The following KLF18 variants were observed in gnomAD, a reference collection of about 807,000 sequenced individuals.
The protein encoded by KLF18 is KLF transcription factor 18.
Position 44,138,701 on chromosome 1 carries a change from C to CTTTGAATAAGACATCTTGCAG in KLF18, c.2910_2930dup (p.Ser976_Lys977insAsnCysLysMetSerTyrSer), listed in dbSNP as rs1643191321. The CTTTGAATAAGACATCTTGCAG allele has an allele frequency of 1.3e-5, 5 of 398,528 alleles. No homozygotes were observed. Among genetic ancestry groups the CTTTGAATAAGACATCTTGCAG allele is most frequent in the Non-Finnish European group, 2.2e-5 (5 of 226,078 alleles). 24.7% of individuals were successfully genotyped at this position (398,528 alleles called of 1,614,324 possible). ...GCATGTGGGTTCGGAGGTGGCAAGC[C>CTTTGAATAAGACATCTTGCAG]TTTGAATAAGACATCTTGCAGTCCT... On this transcript the variant is annotated inframe_insertion, in exon 1 of 2. Coordinates refer to ENST00000634670, the MANE Select transcript of KLF18 (RefSeq NM_001358438.1).
rs1309788081 is a variant in KLF18 at position 44,141,601 on chromosome 1, C to T, written c.31G>A (p.Glu11Lys). 12 of 398,444 alleles carry T rather than the reference C, an allele frequency of 3.0e-5. No individual in the cohort carries two copies. The allele number at this position is 398,444 out of a possible 1,614,324, so 24.7% of individuals were successfully genotyped here. MDSSLLQAIE[E>K]IEKFFQHLSE... ...AGATGCTGGAAAAATTTCTCAATTT[C>T]CTCAATTGCCTGGAGAAGACTGGAA... The change falls in exon 1 of 2, where the codon GAA becomes AAA. Residue 11 changes from glutamate (E) to lysine (K), a missense_variant. Glu to Lys is a moderately conservative substitution (Grantham distance 56). Coordinates refer to ENST00000634670, the MANE Select transcript of KLF18 (RefSeq NM_001358438.1).
chr1:44,140,026 T>G lies in KLF18; in HGVS notation c.1606A>C (p.Thr536Pro), dbSNP rs1351087117. The part of the protein sequence containing the change: ...ALYGGQMTTS[T>P]SNQTLCGEQM... ...TCTCCACAGAGGGTCTGGTTACTAG[T>G]AGAGGTTGTCATCTGCCCCCCGTAG... is the stretch of plus-strand genomic sequence containing the variant. The change falls in exon 1 of 2, where the codon ACT becomes CCT. Residue 536 changes from threonine (T) to proline (P), a missense_variant. Thr to Pro is a conservative substitution (Grantham distance 38, BLOSUM62 -1). Coordinates refer to ENST00000634670, the MANE Select transcript of KLF18 (RefSeq NM_001358438.1). 2.7e-6 allele frequency: 1 copy of G among 371,008 alleles called. No homozygotes were observed. The highest frequency in any genetic ancestry group is 4.6e-6 in the Non-Finnish European group (1 of 215,846). The allele number at this position is 371,008 out of a possible 1,614,324, so 23.0% of individuals were successfully genotyped here.
In KLF18 at chr1:44,138,739, C is replaced by T; in HGVS notation, c.2893G>A (p.Val965Ile). The T allele has an allele frequency of 2.5e-6, 1 of 398,630 alleles. No individual in the cohort carries two copies. The highest frequency in any genetic ancestry group is 3.6e-5 in the East Asian group (1 of 28,070). The allele number at this position is 398,630 out of a possible 1,614,324, so 24.7% of individuals were successfully genotyped here. ...ATCTTGCAGTCCTCGTAAGTGCAGA[C>T]ATAGGGCCTTGAAACCTCAGGATTC... ...WKNPEVSRPYVCTYEDCKMSY... is the reference protein window; with the variant it reads ...WKNPEVSRPYICTYEDCKMSY... Residue 965 changes from valine (V) to isoleucine (I), a missense_variant, in exon 1 of 2, where the codon GTC (valine) becomes ATC (isoleucine). Coordinates refer to ENST00000634670, the MANE Select transcript of KLF18 (RefSeq NM_001358438.1).
chr1:44,140,300 ACAGAGG>A lies in KLF18; in HGVS notation c.1326_1331del (p.Leu443_Cys444del). ...TAGTGGAGGTCATCACTTGCTCTCC[ACAGAGG>A]TTCTGGTTACCAGTGGAGGTCGTCA... On this transcript the variant is annotated inframe_deletion, in exon 1 of 2. Transcript: ENST00000634670. 3.3e-6 allele frequency: 1 copy of A among 305,312 alleles called. No individual in the cohort carries two copies. The allele number at this position is 305,312 out of a possible 1,614,324, so 18.9% of individuals were successfully genotyped here.
chr1:44,141,492 T>TC lies in KLF18; in HGVS notation c.139dup (p.Glu47GlyfsTer5), dbSNP rs1201437703. The TC allele has an allele frequency of 5.0e-6, 2 of 398,522 alleles. No individual in the cohort carries two copies. The highest frequency in any genetic ancestry group is 4.1e-5 in the African/African-American group (2 of 48,610). The allele number at this position is 398,522 out of a possible 1,614,324, so 24.7% of individuals were successfully genotyped here. On this transcript the variant is annotated frameshift_variant, in exon 1 of 2. Transcript: ENST00000634670. LOFTEE classifies it high-confidence loss of function. ...GCTCTGGGTTGACTCATGTTGGCTC[T>TC]CCTCAGCATGGGCAGTCAGAGGCAT...
At position 44,140,874 on chromosome 1, in the gene KLF18, G is replaced by A. The variant is rs1003618384; in HGVS notation, c.758C>T (p.Thr253Met). ...GAGGGTCTGGTTACCAGTGGAGGTC[G>A]TCATCTGTCTCCCGTAGAAGGCCTG... ...GNQAFYGRQM[T>M]TSTGNQTLCG... is the part of the protein sequence containing the mutation. Residue 253 changes from threonine to methionine, a missense_variant, in exon 1 of 2, where the codon ACG becomes ATG. Transcript: ENST00000634670. 5.8e-5 allele frequency: 22 copies of A among 380,744 alleles called. No homozygotes were observed. The highest frequency in any genetic ancestry group is 1.3e-4 in the South Asian group (1 of 7,462). The allele number at this position is 380,744 out of a possible 1,614,324, so 23.6% of individuals were successfully genotyped here. A position where few individuals can be genotyped will look rare whatever the true frequency, so the allele number is the denominator to read the frequency against.
In KLF18 at chr1:44,138,665, G is replaced by A. The variant is rs576132303; in HGVS notation, c.2967C>T (p.Thr989=). Residue 989 remains threonine, a splice_region_variant and synonymous_variant, in exon 1 of 2, where the codon ACC becomes ACT. Coordinates refer to ENST00000634670, the MANE Select transcript of KLF18 (RefSeq NM_001358438.1). ...CCCTGTTTCTGGGCCCTCACTCACC[G>A]GTGTGCTTGCGCATGTGGGTTCGGA... ...CHLRTHMRKH[T]GEKPYVCDVE... 43 of 398,580 alleles carry A rather than the reference G, an allele frequency of 1.1e-4. No individual in the cohort carries two copies. Among genetic ancestry groups the A allele is most frequent in the East Asian group, 5.3e-4 (15 of 28,084 alleles). 24.7% of individuals were successfully genotyped at this position (398,580 alleles called of 1,614,324 possible).
chr1:44,140,878 T>C lies in KLF18; in HGVS notation c.754A>G (p.Met252Val), dbSNP rs1162992889. Residue 252 changes from methionine to valine, a missense_variant, in exon 1 of 2, where the codon ATG (methionine) becomes GTG (valine). Physicochemically the swap from Met to Val is conservative, Grantham distance 21. Coordinates refer to ENST00000634670, the MANE Select transcript of KLF18 (RefSeq NM_001358438.1). ...SGNQAFYGRQ[M>V]TTSTGNQTLC... ...GTCTGGTTACCAGTGGAGGTCGTCA[T>C]CTGTCTCCCGTAGAAGGCCTGGTTA... 2.6e-6 allele frequency: 1 copy of C among 382,950 alleles called. No individual in the cohort carries two copies. Among genetic ancestry groups the C allele is most frequent in the South Asian group, 1.3e-4 (1 of 7,520 alleles). The allele number at this position is 382,950 out of a possible 1,614,324, so 23.7% of individuals were successfully genotyped here.
At position 44,139,992 on chromosome 1, in the gene KLF18, G is replaced by A. The variant is rs34527624; in HGVS notation, c.1640C>T (p.Thr547Met). The A allele has an allele frequency of 0.25, 96,702 of 379,938 alleles. 10,082 individuals carry two copies. Among genetic ancestry groups the A allele is most frequent in the Non-Finnish European group, 0.27 (59,657 of 218,242 alleles). The allele number at this position is 379,938 out of a possible 1,614,324, so 23.5% of individuals were successfully genotyped here. Residue 547 changes from threonine to methionine, a missense_variant, in exon 1 of 2, where the codon ACG (threonine) becomes ATG (methionine). Physicochemically the swap from Thr to Met is moderately conservative, Grantham distance 81 (BLOSUM62 -1). Transcript: ENST00000634670. ...GAGGGTCTGGTTACTAGTGGGGGTC[G>A]TCATCTGCTCTCCACAGAGGGTCTG... ...SNQTLCGEQM[T>M]TPTSNQTLCG... is the part of the protein sequence containing the mutation.
At chr1:44,138,035 A>T in intron 1 of KLF18, 24 bp from the exon 2 acceptor site, 1 of 398,630 alleles carries the variant, frequency 2.5e-6, no homozygotes, top group Non-Finnish European at 4.4e-6. Context: ...AGAGAGAGAG[A>T]CCTGTCATAC....
In KLF18 at chr1:44,140,294, CT is replaced by C; in HGVS notation, c.1337del (p.Glu446GlyfsTer3). On this transcript the variant is annotated frameshift_variant, in exon 1 of 2. Coordinates refer to ENST00000634670, the MANE Select transcript of KLF18 (RefSeq NM_001358438.1). LOFTEE classifies it high-confidence loss of function. Reference protein sequence around the residue: ...TSTGNQNLCGEQVMTSTSNQT... With the variant: ...TSTGNQNLCGXQVMTSTSNQT... Reference sequence around the variant, plus strand: ...GGTTACTAGTGGAGGTCATCACTTGCTCTCCACAGAGGTTCTGGTTACCAGT... The same window carrying C: ...GGTTACTAGTGGAGGTCATCACTTGCCTCCACAGAGGTTCTGGTTACCAGT... The C allele has an allele frequency of 3.3e-6, 1 of 306,852 alleles. No individual in the cohort carries two copies. Among genetic ancestry groups the C allele is most frequent in the Non-Finnish European group, 5.8e-6 (1 of 173,872 alleles). 19.0% of individuals were successfully genotyped at this position (306,852 alleles called of 1,614,324 possible).
At position 44,140,241 on chromosome 1, in the gene KLF18, G is replaced by T. The variant is rs1643225446; in HGVS notation, c.1391C>A (p.Thr464Asn). 5.0e-6 allele frequency: 2 copies of T among 396,422 alleles called. No homozygotes were observed. Among genetic ancestry groups the T allele is most frequent in the African/African-American group, 2.1e-5 (1 of 47,706 alleles). 24.6% of individuals were successfully genotyped at this position (396,422 alleles called of 1,614,324 possible). A position where few individuals can be genotyped will look rare whatever the true frequency, so the allele number is the denominator to read the frequency against. Residue 464 changes from threonine (T) to asparagine (N), a missense_variant, in exon 1 of 2, where the codon ACC (threonine) becomes AAC (asparagine). Coordinates refer to ENST00000634670, the MANE Select transcript of KLF18 (RefSeq NM_001358438.1). ...NQTLCGEQTT[T>N]STSNQTLCGE... ...ACAGAGGGTCTGGTTACTAGTGGAG[G>T]TCGTCGTCTGCTCTCCACAGAGGGT...
rs1409080258 is a variant in KLF18, at chr1:44,139,487, C to T, written c.2145G>A (p.Thr715=). Residue 715 remains threonine, a synonymous_variant, in exon 1 of 2, where the codon ACG becomes ACA. Coordinates refer to ENST00000634670, the MANE Select transcript of KLF18 (RefSeq NM_001358438.1). The part of the protein sequence containing the change: ...SNQTLCGEQV[T]TSTGNQALYG... Reference sequence around the variant, plus strand: ...AGAGGGCCTGGTTACCAGTGGAGGTCGTCACCTGCTCCCCACAGAGGGTCT... The same window carrying T: ...AGAGGGCCTGGTTACCAGTGGAGGTTGTCACCTGCTCCCCACAGAGGGTCT... 2.3e-5 allele frequency: 9 copies of T among 385,070 alleles called. No individual in the cohort carries two copies. The highest frequency in any genetic ancestry group is 9.2e-5 in the Admixed American group (2 of 21,700). The allele number at this position is 385,070 out of a possible 1,614,324, so 23.9% of individuals were successfully genotyped here. A position where few individuals can be genotyped will look rare whatever the true frequency, so the allele number is the denominator to read the frequency against.
Position 44,139,333 on chromosome 1 carries a change from C to G in KLF18, c.2299G>C (p.Gly767Arg). ...CTAGTAGAGGTCGTCATCTGCCCCC[C>G]GTAGAGGGCCTGGTTACCAGTGGAG... ...TTSTGNQALY[G>R]GQMTTSTSNQ... The change falls in exon 1 of 2, where the codon GGG (glycine) becomes CGG (arginine). Residue 767 changes from glycine to arginine, a missense_variant. Gly to Arg is a moderately radical substitution (Grantham distance 125). Transcript: ENST00000634670. 2 of 343,646 alleles carry G rather than the reference C, an allele frequency of 5.8e-6. No homozygotes were observed. Among genetic ancestry groups the G allele is most frequent in the Non-Finnish European group, 1.0e-5 (2 of 194,110 alleles). 21.3% of individuals were successfully genotyped at this position (343,646 alleles called of 1,614,324 possible).
chr1:44,140,300 AC>A lies in KLF18; in HGVS notation c.1331del (p.Cys444LeufsTer5). 1.3e-5 allele frequency: 4 copies of A among 305,312 alleles called. No homozygotes were observed. The highest frequency in any genetic ancestry group is 1.1e-5 in the Non-Finnish European group (2 of 174,808). 18.9% of individuals were successfully genotyped at this position (305,312 alleles called of 1,614,324 possible). ...TAGTGGAGGTCATCACTTGCTCTCC[AC>A]AGAGGTTCTGGTTACCAGTGGAGGT... The part of the protein sequence containing the change: ...MTTSTGNQNL[C>X]GEQVMTSTSN... On this transcript the variant is annotated frameshift_variant, in exon 1 of 2. Coordinates refer to ENST00000634670, the MANE Select transcript of KLF18 (RefSeq NM_001358438.1). LOFTEE classifies it high-confidence loss of function.
Position 44,139,592 on chromosome 1 carries a change from G to A in KLF18, c.2040C>T (p.Ala680=). Residue 680 remains alanine, a synonymous_variant, in exon 1 of 2, where the codon GCC becomes GCT. Coordinates refer to ENST00000634670, the MANE Select transcript of KLF18 (RefSeq NM_001358438.1). The stretch of plus-strand genomic sequence containing the variant: ...AGGTCGTCATCTGCCCCCCGTAGAG[G>A]GCCTGGTTACCAGTGGAGGTTGTCA... The part of the protein sequence containing the change: ...EQMTTSTGNQ[A]LYGGQMTTST... The A allele has an allele frequency of 2.5e-6, 1 of 397,786 alleles. No individual in the cohort carries two copies. The allele number at this position is 397,786 out of a possible 1,614,324, so 24.6% of individuals were successfully genotyped here.
rs1186427939 is a variant in KLF18 at position 44,139,116 on chromosome 1, T to G, written c.2516A>C (p.Gln839Pro). 1.8e-5 allele frequency: 7 copies of G among 394,448 alleles called. No individual in the cohort carries two copies. The South Asian group carries it at 7.9e-4, about 44-fold the overall frequency. 24.4% of individuals were successfully genotyped at this position (394,448 alleles called of 1,614,324 possible). ...CTGGTTACCAGTGGAGGTCGTCACC[T>G]GCTCCCCACAGAGGGTCTGGTTACT... ...STSNQTLCGE[Q>P]VTTSTGNQAL... The change falls in exon 1 of 2, where the codon CAG (glutamine) becomes CCG (proline). Residue 839 changes from glutamine (Q) to proline (P), a missense_variant. Coordinates refer to ENST00000634670, the MANE Select transcript of KLF18 (RefSeq NM_001358438.1).
rs1002503282 is a variant in KLF18 at position 44,141,305 on chromosome 1, T to C, written c.327A>G (p.Val109=). ...MGQKVTSFDQ[V]KHTAGSQMTD... ...TCATCTGGGAGCCTGCTGTGTGTTT[T>C]ACCTGATCAAAGGAAGTCACTTTCT... The change falls in exon 1 of 2, where the codon GTA becomes GTG. Residue 109 remains valine, a synonymous_variant. Coordinates refer to ENST00000634670, the MANE Select transcript of KLF18 (RefSeq NM_001358438.1). 1 of 398,726 alleles carries C rather than the reference T, an allele frequency of 2.5e-6. No individual in the cohort carries two copies. The highest frequency in any genetic ancestry group is 1.3e-4 in the South Asian group (1 of 7,864). 24.7% of individuals were successfully genotyped at this position (398,726 alleles called of 1,614,324 possible).
In KLF18 at chr1:44,137,901, A is replaced by G. The variant is rs1001180867; in HGVS notation, c.3079T>C (p.Ser1027Pro). Reference sequence around the variant, plus strand: ...CTTGCAAAATTCTTGCTGCATATTGAACACAGGTAGGGCCTTTCCCCAGTG... The same window carrying G: ...CTTGCAAAATTCTTGCTGCATATTGGACACAGGTAGGGCCTTTCCCCAGTG... ...RHTGERPYLC[S>P]ICSKNFARSD... is the part of the protein sequence containing the mutation. Residue 1027 changes from serine (S) to proline (P), a missense_variant, in exon 2 of 2, where the codon TCA (serine) becomes CCA (proline). Transcript: ENST00000634670. 2.5e-6 allele frequency: 1 copy of G among 398,468 alleles called. No individual in the cohort carries two copies. The highest frequency in any genetic ancestry group is 2.1e-5 in the African/African-American group (1 of 48,596). 24.7% of individuals were successfully genotyped at this position (398,468 alleles called of 1,614,324 possible).
Sources: allele counts gnomAD v4.1 joint callset, GRCh38; gene constraint gnomAD v4.1.1; transcripts MANE v1.5; gene names NCBI Gene and HGNC (gene_info 2026-07-23, HGNC 2026-07-21).